MAST2: variants seen among roughly 807,000 people sequenced by gnomAD.
The protein encoded by MAST2 is microtubule-associated serine/threonine-protein kinase 2.
A neutral mutation model predicts 147.4 loss-of-function variants in MAST2; 70 were observed. The ratio of observed to expected loss-of-function variants is 0.47; its 90% CI spans 0.39 to 0.58. The LOEUF (loss-of-function observed/expected upper bound fraction) is 0.58, where lower values mean the gene tolerates loss of function less well. MAST2 is among the 20% of genes least tolerant of loss of function. The pLI, the probability that MAST2 is intolerant of heterozygous loss-of-function variation, is 0.00. For missense variants in MAST2, 2,080 were observed against 2,302.3 expected, an observed-to-expected ratio of 0.90 and a Z score of 1.98; for synonymous variants, 869 against 896.8, an observed-to-expected ratio of 0.97 and a Z score of 0.55.
chr1:46,023,164 C>A lies in MAST2; in HGVS notation c.1486-69C>A, dbSNP rs946508307. On this transcript the variant is annotated intron_variant, in intron 13 of 28. Coordinates refer to ENST00000361297, the MANE Select transcript of MAST2 (RefSeq NM_015112.3). The surrounding 1 kb of genome is among the most constrained non-coding windows in gnomAD (Gnocchi z 4.9). ...GCTGACAGCTGAGAAGATGCTAGAG[C>A]CACAGCTTCTGCAAGGATATGGGCT... 4.3e-5 allele frequency: 61 copies of A among 1,422,018 alleles called. No individual in the cohort carries two copies. Among genetic ancestry groups the A allele is most frequent in the Non-Finnish European group, 5.4e-5 (54 of 1,005,320 alleles). 88.1% of individuals were successfully genotyped at this position (1,422,018 alleles called of 1,614,324 possible). A position where few individuals can be genotyped will look rare whatever the true frequency, so the allele number is the denominator to read the frequency against.
chr1:45,841,659 G>A (rs1645281470), intron 3 of MAST2, among the ~76,000 whole-genome samples: 1 of 152,066 alleles, frequency 6.6e-6, no homozygotes, highest in African/African-American at 2.4e-5. Context: ...CTCACTGGTG[G>A]TAAAAGAATT....
At chr1:46,030,809 A>T in intron 22 of MAST2, 48 bp downstream of exon 22, 1 of 1,514,324 alleles carries the variant, frequency 6.6e-7, no homozygotes, top group African/African-American at 1.4e-5. Context: ...CTATCCCTGC[A>T]TTGTCACAGA....
intron 4 of MAST2, among the ~76,000 whole-genome samples, chr1:45,894,420 AT>A (rs1382777327): frequency 6.6e-6 from 1 of 152,158 alleles, no homozygotes. Flanking sequence ...AAGTAACACA[AT>A]TTTAAATAAC....
At chr1:45,923,545 C>T (rs10890370) in intron 4 of MAST2, among the ~76,000 whole-genome samples, 50,368 of 152,010 alleles carry the variant, frequency 0.33, 8,628 homozygotes, top group African/African-American at 0.41. Flanking sequence ...TTATTTCACA[C>T]AGGAAGCGAG....
intron 4 of MAST2, among the ~76,000 whole-genome samples, chr1:45,938,109 C>T (rs1656572496): frequency 6.6e-6 from 1 of 152,172 alleles, no homozygotes; most frequent in African/African-American, 2.4e-5. Flanking sequence ...ATACATGTAG[C>T]ATATTCATTC....
intron 7 of MAST2, among the ~76,000 whole-genome samples, chr1:46,003,530 CA>C (rs1645359327): frequency 6.6e-6 from 1 of 151,746 alleles, no homozygotes; most frequent in Admixed American, 6.6e-5. Context: ...TGCAGTGGCG[CA>C]ATCACGGCTC....
At chr1:45,995,721 C>T (rs951975050) in intron 5 of MAST2, among the ~76,000 whole-genome samples, 21 of 152,320 alleles carry the variant, frequency 1.4e-4, no homozygotes, top group Admixed American at 1.3e-3. Context: ...CCGGCTCCCT[C>T]TAAACTGCTT....
chr1:45,905,327 G>A (rs1036843218), intron 4 of MAST2, among the ~76,000 whole-genome samples: 1 of 152,018 alleles, frequency 6.6e-6, no homozygotes, highest in Admixed American at 6.6e-5. Flanking sequence ...TGGGAGTACA[G>A]GCATGCGCCA....
intron 4 of MAST2, among the ~76,000 whole-genome samples, chr1:45,899,975 G>T (rs1268342876): frequency 6.6e-6 from 1 of 151,558 alleles, no homozygotes; most frequent in African/African-American, 2.4e-5. Context: ...TTCAAGAACA[G>T]CCTGGCCAAC....
chr1:46,024,856 T>G (rs1205507230), intron 15 of MAST2, among the ~76,000 whole-genome samples: 1 of 152,190 alleles, frequency 6.6e-6, no homozygotes, highest in Non-Finnish European at 1.5e-5. Flanking sequence ...ATTTTCATGC[T>G]GCTAATAAAG....
intron 21 of MAST2, 172 bp from the exon 22 acceptor site, chr1:46,030,435 C>T: frequency 1.2e-6 from 1 of 865,076 alleles, no homozygotes; most frequent in Non-Finnish European, 1.8e-6. Context: ...ACATGAGATG[C>T]CAGGTCAGAT....
intron 3 of MAST2, 134 bp from the exon 4 acceptor site, chr1:45,882,230 A>G (rs1333539113): frequency 1.8e-5 from 10 of 569,304 alleles, no homozygotes; most frequent in South Asian, 2.5e-5. Flanking sequence ...AGAGGCAAAG[A>G]AAAAGTTGTT....
At chr1:45,809,295 G>C (rs1644227463) in intron 1 of MAST2, among the ~76,000 whole-genome samples, 1 of 152,120 alleles carries the variant, frequency 6.6e-6, no homozygotes, top group Non-Finnish European at 1.5e-5. Context: ...TTTATTCTCT[G>C]CTTCCGCATA....
At chr1:45,917,017 G>T (rs925035245) in intron 4 of MAST2, among the ~76,000 whole-genome samples, 6 of 152,230 alleles carry the variant, frequency 3.9e-5, no homozygotes, top group African/African-American at 1.4e-4. Flanking sequence ...GGCAGAGGTT[G>T]CAGTGAGCCA....
chr1:45,894,345 GAGAAA>G (rs1485906151), intron 4 of MAST2, among the ~76,000 whole-genome samples: 1 of 152,148 alleles, frequency 6.6e-6, no homozygotes, highest in Non-Finnish European at 1.5e-5. Context: ...GTTGGTGCTT[GAGAAA>G]TAATACCTGG....
At chr1:45,971,038 T>G (rs1175554085) in intron 5 of MAST2, among the ~76,000 whole-genome samples, 1 of 152,146 alleles carries the variant, frequency 6.6e-6, no homozygotes, top group African/African-American at 2.4e-5. Flanking sequence ...TTTAAAAAGT[T>G]TTAATAAAAG....
At chr1:45,815,138 G>C (rs1347596930) in intron 1 of MAST2, among the ~76,000 whole-genome samples, 1 of 151,080 alleles carries the variant, frequency 6.6e-6, no homozygotes, top group African/African-American at 2.4e-5. Context: ...TCGTTTCTTT[G>C]CCGTTATTTC....
At position 45,910,126 on chromosome 1, in the gene MAST2, TC is replaced by T. The variant is rs199864018; in HGVS notation, c.500+27735del. The stretch of plus-strand genomic sequence containing the variant: ...TGTGTGCAGTTGTTTTTTTTTTTTT[TC>T]CCCAAATTTAAGCAGACTAGCTTAT... On this transcript the variant is annotated intron_variant, in intron 4 of 28. Coordinates refer to ENST00000361297, the MANE Select transcript of MAST2 (RefSeq NM_015112.3). Among the ~76,000 whole-genome samples, 705 of 150,692 alleles carry T rather than the reference TC, an allele frequency of 4.7e-3. 2 individuals are homozygous for T. The highest frequency in any genetic ancestry group is 0.013 in the African/African-American group (535 of 41,166).
chr1:45,847,829 C>T (rs1557829740), intron 3 of MAST2, among the ~76,000 whole-genome samples: 1 of 152,202 alleles, frequency 6.6e-6, no homozygotes, highest in Non-Finnish European at 1.5e-5. Context: ...GTGTGAGCCA[C>T]TATGCCCGGC....
Sources: gnomAD v4.1 joint callset for allele counts (sites outside exome capture counted in the v4.1 genomes callset) on GRCh38, gnomAD v4.1.1 for gene constraint, Gnocchi (gnomAD v3.1) non-coding constraint, MANE v1.5 for transcripts, NCBI Gene and HGNC (gene_info 2026-07-23, HGNC 2026-07-21) for gene names.